CLIC4: variants seen among roughly 807,000 people sequenced by gnomAD.
CLIC4 encodes chloride intracellular channel protein 4.
CLIC4 carries 13 observed loss-of-function variants against 24.6 expected under a neutral mutation model. The observed-to-expected ratio is 0.53, with a 90% CI of 0.34 to 0.84. The LOEUF is 0.84. Among genes scored for constraint, CLIC4 ranks in the 40% least tolerant of loss-of-function variants. The probability of loss-of-function intolerance (pLI) is 0.01; values close to 1 mark genes in which losing one functional copy is unlikely to be tolerated. For missense variants in CLIC4, 227 were observed against 301.7 expected (o/e 0.75, Z 1.83); for synonymous variants, 104 against 111.3 (o/e 0.93, Z 0.41).
intron 2 of CLIC4, among the ~76,000 whole-genome samples, chr1:24,811,706 C>T (rs1414184077): frequency 6.6e-6 from 1 of 152,012 alleles, no homozygotes; most frequent in East Asian, 1.9e-4. Context: ...GCTTGAACTC[C>T]TGGACTCAAG....
At chr1:24,770,450 A>G (rs1385865513) in intron 1 of CLIC4, among the ~76,000 whole-genome samples, 1 of 152,174 alleles carries the variant, frequency 6.6e-6, no homozygotes, top group Non-Finnish European at 1.5e-5. Context: ...TTCTTAAGCA[A>G]AGCTAATGAG....
intron 2 of CLIC4, among the ~76,000 whole-genome samples, chr1:24,810,153 C>T (rs1369342311): frequency 6.6e-6 from 1 of 152,202 alleles, no homozygotes; most frequent in Non-Finnish European, 1.5e-5. Flanking sequence ...ATTTTCTTCC[C>T]TAACCACAAT....
intron 4 of CLIC4, among the ~76,000 whole-genome samples, chr1:24,830,023 A>G (rs1308349479): frequency 1.3e-5 from 2 of 152,130 alleles, no homozygotes; most frequent in East Asian, 3.8e-4. Flanking sequence ...AGTGCTTACA[A>G]TTTTTAGTCT....
At chr1:24,799,752 G>A (rs1177567384) in intron 2 of CLIC4, among the ~76,000 whole-genome samples, 2 of 127,778 alleles carry the variant, frequency 1.6e-5, no homozygotes, top group Non-Finnish European at 1.7e-5. Flanking sequence ...GGAGGTGGGG[G>A]GGTCAGCCCC....
At chr1:24,765,786 C>G in intron 1 of CLIC4, among the ~76,000 whole-genome samples, 1 of 149,870 alleles carries the variant, frequency 6.7e-6, no homozygotes, top group African/African-American at 2.4e-5. Flanking sequence ...TTGTATTTTT[C>G]TTTCCTTCTT....
At chr1:24,795,953 T>C (rs775989481) in intron 1 of CLIC4, among the ~76,000 whole-genome samples, 7 of 152,214 alleles carry the variant, frequency 4.6e-5, no homozygotes, top group Non-Finnish European at 1.0e-4. Context: ...CGAAGAATAC[T>C]GTCTGATAGA....
chr1:24,825,857 A>G (rs1416383163), intron 3 of CLIC4, among the ~76,000 whole-genome samples: 1 of 152,252 alleles, frequency 6.6e-6, no homozygotes, highest in Non-Finnish European at 1.5e-5. Flanking sequence ...ATGTCTTCAA[A>G]TAAATGAGTT....
intron 1 of CLIC4, among the ~76,000 whole-genome samples, chr1:24,771,562 G>A (rs1639071460): frequency 6.6e-6 from 1 of 151,984 alleles, no homozygotes; most frequent in African/African-American, 2.4e-5. Flanking sequence ...ATATATAGGA[G>A]ATAATTCATT....
chr1:24,788,525 T>C (rs925737041), intron 1 of CLIC4, among the ~76,000 whole-genome samples: 9 of 152,228 alleles, frequency 5.9e-5, no homozygotes, highest in Admixed American at 1.3e-4. Context: ...TAGTTGTCCC[T>C]GTATCTGCGG....
chr1:24,809,171 A>C (rs900460490), intron 2 of CLIC4, among the ~76,000 whole-genome samples: 7 of 152,176 alleles, frequency 4.6e-5, no homozygotes, highest in African/African-American at 1.7e-4. Context: ...TTAGGTTCTT[A>C]CAGAAGTTGA....
At position 24,782,486 on chromosome 1, in the gene CLIC4, C is replaced by T. The variant is rs768086374; in HGVS notation, c.73-15256C>T. ...AGATCTCTGGTGTTTCGTATAGGTC[C>T]TCACATGGCTGGTGAATGAATAAAA... On this transcript the variant is annotated intron_variant, in intron 1 of 5. Transcript: ENST00000374379. 9.0e-4 allele frequency among the ~76,000 whole-genome samples: 137 copies of T among 151,676 alleles called. 1 individual carries two copies. Among genetic ancestry groups the T allele is most frequent in the Non-Finnish European group, 5.3e-4 (36 of 67,984 alleles).
rs182692845 is a variant in CLIC4 at position 24,794,543 on chromosome 1, A to G, written c.73-3199A>G. Among the ~76,000 whole-genome samples the G allele has an allele frequency of 9.0e-4, 137 of 151,792 alleles. 1 individual carries two copies. The highest frequency in any genetic ancestry group is 3.2e-3 in the African/African-American group (134 of 41,388). On this transcript the variant is annotated intron_variant, in intron 1 of 5. Coordinates refer to ENST00000374379, the MANE Select transcript of CLIC4 (RefSeq NM_013943.3). The stretch of plus-strand genomic sequence containing the variant: ...GCCCACATTTTAATGGGGTTGTTTT[A>G]TATTTGTAATTTTGTTTAAGTTCCT...
At chr1:24,797,893 A>C (rs147039381) in intron 2 of CLIC4, 42 bp downstream of exon 2, 7 of 1,331,658 alleles carry the variant, frequency 5.3e-6, no homozygotes, top group Non-Finnish European at 7.5e-6. Context: ...AAGCTGAACT[A>C]TCTTTTCAGT....
intron 1 of CLIC4, among the ~76,000 whole-genome samples, chr1:24,786,205 T>G (rs551861338): frequency 1.7e-4 from 26 of 152,314 alleles, no homozygotes; most frequent in African/African-American, 5.5e-4. Context: ...TCCATAAACA[T>G]AAATAAAGAG....
intron 1 of CLIC4, among the ~76,000 whole-genome samples, chr1:24,768,041 A>G (rs191073042): frequency 1.3e-5 from 2 of 152,072 alleles, no homozygotes; most frequent in African/African-American, 4.8e-5. Context: ...GGATTTCTCC[A>G]TGTTGGTCAG....
chr1:24,800,360 C>A (rs1379872245), intron 2 of CLIC4, among the ~76,000 whole-genome samples: 1 of 129,874 alleles, frequency 7.7e-6, no homozygotes, highest in Non-Finnish European at 1.6e-5. Flanking sequence ...GTCAGCCCCC[C>A]ACCCGGCCAG....
intron 1 of CLIC4, among the ~76,000 whole-genome samples, chr1:24,776,037 A>T (rs1327530070): frequency 6.6e-6 from 1 of 152,174 alleles, no homozygotes; most frequent in Non-Finnish European, 1.5e-5. Context: ...GTCCCCCCAT[A>T]GTAGGTGGCA....
rs558728262 is a variant in CLIC4, at chr1:24,827,430, C to T, written c.415+314C>T. Among the ~76,000 whole-genome samples the T allele has an allele frequency of 5.3e-5, 8 of 152,090 alleles. No individual in the cohort carries two copies. The South Asian group carries it at 1.7e-3, about 32-fold the overall frequency. On this transcript the variant is annotated intron_variant, in intron 4 of 5. Transcript: ENST00000374379. ...GCTAGGCAAAGAATTAATGGTGCAT[C>T]AGAAACAGTGGATTGTGTGGTTGTG... is the stretch of plus-strand genomic sequence containing the variant.
chr1:24,754,183 C>T (rs1160269966), intron 1 of CLIC4, among the ~76,000 whole-genome samples: 1 of 152,106 alleles, frequency 6.6e-6, no homozygotes, highest in Non-Finnish European at 1.5e-5. Flanking sequence ...ATGTAAAAAC[C>T]TGTGAGAAAG....
Sources: allele counts gnomAD v4.1 joint callset (sites outside exome capture counted in the v4.1 genomes callset), GRCh38; gene constraint gnomAD v4.1.1; transcripts MANE v1.5; gene names NCBI Gene and HGNC (gene_info 2026-07-23, HGNC 2026-07-21).